SLC68A1: variants seen among roughly 807,000 people sequenced by gnomAD.
SLC68A1 encodes major facilitator superfamily domain containing 13A.
At chr10:102,472,174 G>A in the SLC68A1 span, 2 of 365,252 alleles carry the variant, frequency 5.5e-6, no homozygotes, top group Non-Finnish European at 1.1e-5. Context: ...AAAAAAAGAA[G>A]AGCTAAGTGC....
the SLC68A1 span, chr10:102,473,881 A>G: frequency 1.2e-6 from 2 of 1,614,136 alleles, no homozygotes; most frequent in Non-Finnish European, 1.7e-6. Flanking sequence ...GACCTGGTAG[A>G]CGAGGACCTG....
chr10:102,475,746 T>C, the SLC68A1 span: 4 of 1,610,206 alleles, frequency 2.5e-6, no homozygotes, highest in Non-Finnish European at 3.4e-6. Context: ...CAGCAGTCCC[T>C]CATAACCCCT....
the SLC68A1 span, chr10:102,475,951 A>G: frequency 1.2e-6 from 2 of 1,611,706 alleles, no homozygotes; most frequent in African/African-American, 2.7e-5. Context: ...AGAACCTGTC[A>G]CAGGCCCAAA....
chr10:102,474,212 T>C, the SLC68A1 span, among the ~76,000 whole-genome samples: 1 of 152,226 alleles, frequency 6.6e-6, no homozygotes, highest in Non-Finnish European at 1.5e-5. Context: ...TCAACAAATA[T>C]GTACGGAATC....
the SLC68A1 span, chr10:102,462,181 CT>C: frequency 6.6e-6 from 1 of 152,262 alleles, no homozygotes; most frequent in African/African-American, 2.4e-5. Context: ...TGTGGGGAGA[CT>C]GGGCAGGAAG....
the SLC68A1 span, among the ~76,000 whole-genome samples, chr10:102,474,693 G>A: frequency 6.6e-6 from 1 of 152,040 alleles, no homozygotes; most frequent in African/African-American, 2.4e-5. Context: ...TGTCACCCAG[G>A]CTGGAGTGCA....
At chr10:102,470,985 C>T in the SLC68A1 span, 3 of 1,613,130 alleles carry the variant, frequency 1.9e-6, no homozygotes, top group Non-Finnish European at 2.5e-6. Flanking sequence ...GATTTCTCCT[C>T]CTTCCGCGCT....
the SLC68A1 span, chr10:102,476,122 T>C: frequency 7.4e-7 from 1 of 1,356,378 alleles, no homozygotes; most frequent in East Asian, 2.7e-5. Context: ...AATGGATCTG[T>C]TGCAGTGGTG....
chr10:102,473,747 C>A, the SLC68A1 span: 1 of 1,610,518 alleles, frequency 6.2e-7, no homozygotes, highest in African/African-American at 1.3e-5. Context: ...GCCAGGTATG[C>A]CCCTGCCCAC....
chr10:102,471,945 T>C, the SLC68A1 span: 1 of 445,432 alleles, frequency 2.2e-6, no homozygotes, highest in East Asian at 7.1e-5. Flanking sequence ...TCCTCTCCTG[T>C]AAAGTGAGGA....
At chr10:102,467,846 C>T in the SLC68A1 span, among the ~76,000 whole-genome samples, 26 of 152,134 alleles carry the variant, frequency 1.7e-4, no homozygotes, top group South Asian at 8.3e-4. Flanking sequence ...TTAGTAGAGA[C>T]GGGGTTTCAC....
At chr10:102,473,763 C>G in the SLC68A1 span, 1 of 1,609,130 alleles carries the variant, frequency 6.2e-7, no homozygotes, top group Non-Finnish European at 8.5e-7. Flanking sequence ...CCCACGCTCC[C>G]CGCAACACCT....
chr10:102,463,951 T>C, the SLC68A1 span, among the ~76,000 whole-genome samples: 83 of 152,294 alleles, frequency 5.4e-4, no homozygotes, highest in South Asian at 0.017. Flanking sequence ...GGGGCTAGGA[T>C]ATTCCAGGTG....
the SLC68A1 span, chr10:102,475,622 G>A: frequency 8.7e-5 from 121 of 1,388,706 alleles, no homozygotes; most frequent in Admixed American, 8.4e-4. Context: ...GTCTGGACAC[G>A]TCCATGTGGT....
At chr10:102,474,165 C>T in the SLC68A1 span, among the ~76,000 whole-genome samples, 2 of 152,238 alleles carry the variant, frequency 1.3e-5, no homozygotes, top group South Asian at 2.1e-4. Flanking sequence ...TCACCGATTC[C>T]GCCATGCTTT....
the SLC68A1 span, chr10:102,469,767 A>G: frequency 1.2e-6 from 1 of 858,980 alleles, no homozygotes; most frequent in South Asian, 5.4e-5. Flanking sequence ...GGCTGGTCTC[A>G]AACTCCTGAC....
the SLC68A1 span, chr10:102,476,874 C>A: frequency 1.0e-6 from 1 of 985,526 alleles, no homozygotes; most frequent in Non-Finnish European, 1.2e-6. Flanking sequence ...ACTGTAAGTC[C>A]CACCTCCCAC....
At chr10:102,471,456 ACTC>A in the SLC68A1 span, 407 of 1,586,036 alleles carry the variant, frequency 2.6e-4, 3 homozygotes, top group East Asian at 7.7e-3. Flanking sequence ...AAGGGGACAG[ACTC>A]CTCAAGAGCT....
the SLC68A1 span, among the ~76,000 whole-genome samples, chr10:102,465,644 G>A: frequency 6.6e-6 from 1 of 152,108 alleles, no homozygotes; most frequent in African/African-American, 2.4e-5. Context: ...CAGGGAGGTG[G>A]GTGGAGTTGG....
Sources: allele counts gnomAD v4.1 joint callset (sites outside exome capture counted in the v4.1 genomes callset), GRCh38; gene constraint gnomAD v4.1.1; transcripts MANE v1.5; gene names NCBI Gene and HGNC (gene_info 2026-07-23, HGNC 2026-07-21).